The following CTBP2 variants were observed in gnomAD, a reference collection of about 807,000 sequenced individuals.
The protein encoded by CTBP2 is C-terminal-binding protein 2.
A neutral mutation model predicts 80.3 loss-of-function variants in CTBP2; 30 were observed. The observed-to-expected ratio is 0.37, with a 90% CI of 0.28 to 0.51. The LOEUF (loss-of-function observed/expected upper bound fraction) is 0.51. CTBP2 is among the 20% of genes least tolerant of loss of function. The pLI is 0.93. For synonymous variants in CTBP2, 594 were observed against 587.4 expected, an observed-to-expected ratio of 1.01 and a Z score of -0.16; for missense variants, 1,212 against 1,375.3, an observed-to-expected ratio of 0.88 and a Z score of 1.88.
intron 1 of CTBP2, among the ~76,000 whole-genome samples, chr10:125,154,345 C>T (rs1860541644): frequency 6.6e-6 from 1 of 152,140 alleles, no homozygotes; most frequent in Admixed American, 6.5e-5. Flanking sequence ...CAGGGGCAGA[C>T]AACAGCAGCT....
chr10:125,103,624 C>T (rs1435992744), intron 2 of CTBP2, among the ~76,000 whole-genome samples: 4 of 152,136 alleles, frequency 2.6e-5, no homozygotes, highest in African/African-American at 7.2e-5. Flanking sequence ...GACGCTTCTG[C>T]GACATGCAGA....
At chr10:125,160,050 A>T (rs1197445939) in intron 1 of CTBP2, 1 of 149,290 alleles carries the variant, frequency 6.7e-6, no homozygotes, top group African/African-American at 2.5e-5. Context: ...ATCCTGGCGC[A>T]AACGGCGGCC....
chr10:125,142,864 T>C (rs1028628657), intron 1 of CTBP2, among the ~76,000 whole-genome samples: 6 of 152,250 alleles, frequency 3.9e-5, no homozygotes, highest in African/African-American at 1.4e-4. Flanking sequence ...GCAGCTCCGC[T>C]TCAGATGGTT....
rs1374347578 is a variant in CTBP2 at position 125,025,958 on chromosome 10, G to A, written c.1678+124C>T. 3.9e-6 allele frequency: 5 copies of A among 1,267,184 alleles called. No individual in the cohort carries two copies. The Admixed American group carries it at 1.2e-4, about 30-fold the overall frequency. 78.5% of individuals were successfully genotyped at this position (1,267,184 alleles called of 1,614,324 possible). A position where few individuals can be genotyped will look rare whatever the true frequency, so the allele number is the denominator to read the frequency against. On this transcript the variant is annotated intron_variant, in intron 1 of 8. Transcript: ENST00000309035. ...CCACAGTGCTGCGTCCTTCTTGTTT[G>A]GTGGTGTGTGTGTGTGTGGCCTGGT...
intron 2 of CTBP2, among the ~76,000 whole-genome samples, chr10:125,056,832 C>T (rs1964035758): frequency 1.3e-5 from 2 of 152,234 alleles, no homozygotes; most frequent in South Asian, 2.1e-4. Flanking sequence ...CCATGGGGAC[C>T]CACCTCCCAG....
intron 1 of CTBP2, among the ~76,000 whole-genome samples, chr10:125,011,717 C>T (rs1032294128): frequency 2.4e-4 from 37 of 152,224 alleles, no homozygotes; most frequent in African/African-American, 8.4e-4. Context: ...CTGCAGTGTC[C>T]GCGCTATGCG....
At chr10:125,078,212 G>A (rs964325228) in intron 2 of CTBP2, among the ~76,000 whole-genome samples, 2 of 151,348 alleles carry the variant, frequency 1.3e-5, no homozygotes, top group Non-Finnish European at 2.9e-5. Context: ...CCTGGCAGGC[G>A]GAGCTTGTAG....
intron 1 of CTBP2, chr10:125,006,102 C>T: frequency 1.0e-6 from 1 of 975,498 alleles, no homozygotes; most frequent in Non-Finnish European, 1.3e-6. Context: ...CCCTCCCCGA[C>T]ACGGGTTGCC....
intron 2 of CTBP2, among the ~76,000 whole-genome samples, chr10:125,052,322 C>T (rs954465249): frequency 5.3e-5 from 8 of 152,182 alleles, no homozygotes; most frequent in South Asian, 2.1e-4. Context: ...GAGGTGTGCC[C>T]GTGGCCATTT....
intron 2 of CTBP2, among the ~76,000 whole-genome samples, chr10:125,058,509 C>T (rs1321804202): frequency 6.6e-6 from 1 of 152,124 alleles, no homozygotes; most frequent in South Asian, 2.1e-4. Context: ...TGTGAAGCCA[C>T]GGCCGGGCGC....
At chr10:124,991,078 G>A (rs566347958) in intron 8 of CTBP2, among the ~76,000 whole-genome samples, 13 of 152,352 alleles carry the variant, frequency 8.5e-5, no homozygotes, top group East Asian at 7.7e-4. Context: ...CGCCTTCCTC[G>A]GAACGCCCAG....
chr10:125,021,193 G>A (rs1261196214), intron 1 of CTBP2, among the ~76,000 whole-genome samples: 2 of 152,122 alleles, frequency 1.3e-5, no homozygotes, highest in Admixed American at 1.3e-4. Flanking sequence ...CAAGAAAAGC[G>A]CCATTCCCCG....
intron 3 of CTBP2, among the ~76,000 whole-genome samples, chr10:125,036,672 T>TGTGTGG (rs1958915550): frequency 1.2e-4 from 1 of 8,096 alleles, no homozygotes; most frequent in South Asian, 2.8e-3. Flanking sequence ...AGAGGGGGTG[T>TGTGTGG]GTGTGTGTGT....
intron 3 of CTBP2, 53 bp from the exon 6 acceptor site, chr10:124,998,223 G>A: frequency 6.5e-7 from 1 of 1,547,990 alleles, no homozygotes; most frequent in Non-Finnish European, 8.7e-7. Flanking sequence ...GATCAGTGGG[G>A]AAGCCCCAGG....
At chr10:125,109,481 A>C (rs1245291580) in intron 2 of CTBP2, among the ~76,000 whole-genome samples, 1 of 152,266 alleles carries the variant, frequency 6.6e-6, no homozygotes, top group Non-Finnish European at 1.5e-5. Context: ...TGAGAGTGAG[A>C]GCCAGAAAAG....
chr10:125,050,702 T>C (rs932011725), intron 2 of CTBP2, among the ~76,000 whole-genome samples: 12 of 152,220 alleles, frequency 7.9e-5, no homozygotes, highest in African/African-American at 2.4e-4. Context: ...ATTTCACCTG[T>C]TTCACAGTGG....
intron 1 of CTBP2, among the ~76,000 whole-genome samples, chr10:125,126,224 A>G (rs895287057): frequency 6.6e-6 from 1 of 152,192 alleles, no homozygotes; most frequent in Admixed American, 6.5e-5. Flanking sequence ...TTAGCCTCTC[A>G]GAAGCTCACC....
rs188017785 is a variant in CTBP2 at position 125,045,320 on chromosome 10, C to T, written c.-101-6165G>A. On this transcript the variant is annotated intron_variant, in intron 2 of 10. Coordinates refer to the CTBP2 transcript ENST00000337195. ...CACTCAGTCGATGGTATTTTTCTTA[C>T]AGCAGCCCGAACTAAGACAATGGCC... Among the ~76,000 whole-genome samples the T allele has an allele frequency of 1.7e-3, 265 of 152,320 alleles. 2 individuals are homozygous for T. The highest frequency in any genetic ancestry group is 6.0e-3 in the African/African-American group (250 of 41,570).
intron 1 of CTBP2, among the ~76,000 whole-genome samples, chr10:125,023,156 G>T (rs1021545022): frequency 2.0e-5 from 3 of 152,204 alleles, no homozygotes; most frequent in Non-Finnish European, 2.9e-5. Flanking sequence ...CTCAGGCAGT[G>T]ACCCTAAGCA....
Sources: allele counts gnomAD v4.1 joint callset (sites outside exome capture counted in the v4.1 genomes callset), GRCh38; gene constraint gnomAD v4.1.1; transcripts MANE v1.5; gene names NCBI Gene and HGNC (gene_info 2026-07-23, HGNC 2026-07-21).